The following CTNNA3 variants were observed in gnomAD, a reference collection of about 807,000 sequenced individuals.
CTNNA3 encodes catenin alpha-3.
In CTNNA3, 76 loss-of-function variants were observed where a neutral mutation model predicts 95.7. The observed-to-expected ratio is 0.79, with a 90% CI of 0.66 to 0.96. The LOEUF (loss-of-function observed/expected upper bound fraction) is 0.96, where lower values mean the gene tolerates loss of function less well. CTNNA3 is among the 40% of genes least tolerant of loss of function. The probability of loss-of-function intolerance (pLI) is 0.00; values close to 1 mark genes in which losing one functional copy is unlikely to be tolerated. For missense variants in CTNNA3, 1,191 were observed against 1,089.8 expected (o/e 1.09, Z -1.31); for synonymous variants, 431 against 374.4 (o/e 1.15, Z -1.74).
At chr10:66,603,097 C>G (rs1442966224) in intron 10 of CTNNA3, among the ~76,000 whole-genome samples, 1 of 151,960 alleles carries the variant, frequency 6.6e-6, no homozygotes, top group African/African-American at 2.4e-5. Context: ...GTCACGGCAA[C>G]TAGGCAAAAG....
intron 11 of CTNNA3, among the ~76,000 whole-genome samples, chr10:66,497,096 A>T (rs1055881476): frequency 6.6e-6 from 1 of 151,986 alleles, no homozygotes; most frequent in Non-Finnish European, 1.5e-5. Context: ...CTCTTTAAAG[A>T]CCCTATTTAC....
intron 5 of CTNNA3, among the ~76,000 whole-genome samples, chr10:67,403,911 T>C (rs1845028115): frequency 1.3e-5 from 2 of 152,030 alleles, no homozygotes; most frequent in African/African-American, 4.8e-5. Context: ...TACCTACAGG[T>C]ACTGAAAAAA....
intron 11 of CTNNA3, among the ~76,000 whole-genome samples, chr10:66,515,101 A>G (rs571025167): frequency 2.4e-4 from 37 of 152,242 alleles, no homozygotes; most frequent in African/African-American, 8.9e-4. Flanking sequence ...CCTCTGTGGT[A>G]ATAACAAAAA....
chr10:67,098,321 G>A (rs895537189), intron 7 of CTNNA3: 8 of 152,976 alleles, frequency 5.2e-5, no homozygotes, highest in African/African-American at 1.9e-4. Context: ...TCTGTGCTGT[G>A]CGAAACATGC....
At chr10:66,446,094 GACACAT>G (rs2093418639) in intron 11 of CTNNA3, among the ~76,000 whole-genome samples, 1 of 152,136 alleles carries the variant, frequency 6.6e-6, no homozygotes, top group African/African-American at 2.4e-5. Context: ...TAAATTCCTT[GACACAT>G]ACACCCTCCC....
intron 10 of CTNNA3, among the ~76,000 whole-genome samples, chr10:66,556,326 T>C (rs1272593063): frequency 6.6e-6 from 1 of 152,008 alleles, no homozygotes; most frequent in African/African-American, 2.4e-5. Flanking sequence ...AAATTAAAAA[T>C]AGAACTACCA....
chr10:66,890,471 A>T (rs1030595020), intron 7 of CTNNA3, among the ~76,000 whole-genome samples: 1 of 152,192 alleles, frequency 6.6e-6, no homozygotes, highest in African/African-American at 2.4e-5. Context: ...GAGTGGTTCA[A>T]CAGAGAAAGT....
chr10:66,649,645 G>A (rs1180940233), intron 9 of CTNNA3, among the ~76,000 whole-genome samples: 3 of 152,120 alleles, frequency 2.0e-5, no homozygotes, highest in Non-Finnish European at 2.9e-5. Flanking sequence ...AGGCCCACCT[G>A]GATTCTAGGA....
At chr10:66,436,838 G>A (rs1589248547) in intron 11 of CTNNA3, among the ~76,000 whole-genome samples, 1 of 151,902 alleles carries the variant, frequency 6.6e-6, no homozygotes, top group Non-Finnish European at 1.5e-5. Flanking sequence ...GTTTTTCCTT[G>A]CCATGTTTAG....
chr10:67,579,413 A>G (rs903611296), intron 3 of CTNNA3, among the ~76,000 whole-genome samples: 1 of 152,076 alleles, frequency 6.6e-6, no homozygotes, highest in Non-Finnish European at 1.5e-5. Context: ...ATACTATTCC[A>G]TGGGGTATAT....
At chr10:67,685,630 A>T (rs982581232) in intron 1 of CTNNA3, among the ~76,000 whole-genome samples, 2 of 152,266 alleles carry the variant, frequency 1.3e-5, no homozygotes, top group African/African-American at 4.8e-5. Flanking sequence ...CCTTGTTTAC[A>T]CTGACAACAA....
intron 10 of CTNNA3, among the ~76,000 whole-genome samples, chr10:66,591,290 C>T: frequency 6.6e-6 from 1 of 152,124 alleles, no homozygotes; most frequent in East Asian, 1.9e-4. Context: ...TATTTTTCCC[C>T]CCTTGGGGAC....
At chr10:66,270,901 G>C (rs1173307052) in intron 13 of CTNNA3, among the ~76,000 whole-genome samples, 1 of 152,180 alleles carries the variant, frequency 6.6e-6, no homozygotes, top group Non-Finnish European at 1.5e-5. Context: ...GGGAAGAGTA[G>C]TAGTAGGATA....
rs114639889 is a variant in CTNNA3, at chr10:67,121,779, C to A, written c.1047+58538G>T. Among the ~76,000 whole-genome samples, 784 of 151,918 alleles carry A rather than the reference C, an allele frequency of 5.2e-3. 6 individuals carry two copies. The highest frequency in any genetic ancestry group is 0.018 in the African/African-American group (732 of 41,472). On this transcript the variant is annotated intron_variant, in intron 7 of 17. Transcript: ENST00000433211. ...GCAAAACAATAGAGAGCAGTGTAAACTGAGGTAAGCCCTTGTCCCATCTAA... is the reference window on the plus strand; with the variant it reads ...GCAAAACAATAGAGAGCAGTGTAAAATGAGGTAAGCCCTTGTCCCATCTAA...
At chr10:67,690,646 G>T (rs993762288) in intron 1 of CTNNA3, among the ~76,000 whole-genome samples, 24 of 152,314 alleles carry the variant, frequency 1.6e-4, no homozygotes, top group African/African-American at 5.5e-4. Flanking sequence ...ACTGATTGGT[G>T]CATTTACAAT....
intron 14 of CTNNA3, among the ~76,000 whole-genome samples, chr10:66,092,083 C>A (rs2081233993): frequency 6.6e-6 from 1 of 151,764 alleles, no homozygotes; most frequent in African/African-American, 2.4e-5. Flanking sequence ...AGTTCTGAAG[C>A]CAAAACCTTG....
chr10:66,474,779 T>C (rs924433362), intron 11 of CTNNA3, among the ~76,000 whole-genome samples: 2 of 152,096 alleles, frequency 1.3e-5, no homozygotes, highest in African/African-American at 4.8e-5. Flanking sequence ...TGACTGAATT[T>C]CCCTGATGAT....
chr10:66,780,630 C>T (rs1840495750), intron 7 of CTNNA3, among the ~76,000 whole-genome samples: 1 of 152,134 alleles, frequency 6.6e-6, no homozygotes, highest in Non-Finnish European at 1.5e-5. Context: ...AGTATTTGTC[C>T]TATGCTTAAT....
In CTNNA3 at chr10:67,758,289, TAC is replaced by T. The variant is rs760301884; in HGVS notation, c.-2+5143_-2+5144del. Among the ~76,000 whole-genome samples, 90 of 139,876 alleles carry T rather than the reference TAC, an allele frequency of 6.4e-4. 2 individuals are homozygous for T. The highest frequency in any genetic ancestry group is 2.1e-3 in the South Asian group (9 of 4,378). 91.8% of individuals were successfully genotyped at this position (139,876 alleles called of 152,430 possible). A position where few individuals can be genotyped will look rare whatever the true frequency, so the allele number is the denominator to read the frequency against. On this transcript the variant is annotated intron_variant, in intron 1 of 17. Coordinates refer to the CTNNA3 transcript ENST00000684154. ...AAATCTCCTCATGTGTATATGTATA[TAC>T]ACACACACACACACATATATATAAA...
Sources: allele counts gnomAD v4.1 joint callset (sites outside exome capture counted in the v4.1 genomes callset), GRCh38; gene constraint gnomAD v4.1.1; transcripts MANE v1.5; gene names NCBI Gene and HGNC (gene_info 2026-07-23, HGNC 2026-07-21).